SH3RF2: variants seen among roughly 807,000 people sequenced by gnomAD.
SH3RF2 encodes the protein SH3 domain containing ring finger 2.
SH3RF2 carries 43 observed loss-of-function variants against 59.0 expected under a neutral mutation model. The observed-to-expected ratio is 0.73, with a 90% CI of 0.57 to 0.94. The LOEUF is 0.94. Among genes scored for constraint, SH3RF2 ranks in the 40% least tolerant of loss-of-function variants. The probability of loss-of-function intolerance (pLI) is 0.00; values close to 1 mark genes in which losing one functional copy is unlikely to be tolerated. For synonymous variants in SH3RF2, 391 were observed against 391.5 expected, an observed-to-expected ratio of 1.00 and a Z score of 0.01; for missense variants, 930 against 940.1, an observed-to-expected ratio of 0.99 and a Z score of 0.14.
In SH3RF2 at chr5:146,029,013, T is replaced by G. The variant is rs1203781920; in HGVS notation, c.1059+14952T>G. ...ATATGTAGTGAAAAGAAAAACAAAT[T>G]GTGCAGAGAAACATACCCCCACAAC... On this transcript the variant is annotated intron_variant, in intron 5 of 9. Transcript: ENST00000359120. 3.3e-5 allele frequency among the ~76,000 whole-genome samples: 5 copies of G among 152,188 alleles called. No individual in the cohort carries two copies. In the East Asian group the frequency reaches 9.7e-4, roughly 29 times the overall value.
chr5:145,964,279 C>A (rs1455688193), intron 2 of SH3RF2, among the ~76,000 whole-genome samples: 1 of 127,292 alleles, frequency 7.9e-6, no homozygotes, highest in Admixed American at 8.5e-5. Context: ...TCTTTTCCTT[C>A]CTTCCTTCCT....
At chr5:146,011,671 G>A (rs1760904208) in intron 4 of SH3RF2, among the ~76,000 whole-genome samples, 2 of 152,018 alleles carry the variant, frequency 1.3e-5, no homozygotes, top group Admixed American at 1.3e-4. Flanking sequence ...TCATGATTTG[G>A]CTCTCTGTTT....
chr5:146,016,048 C>A (rs1055863994), intron 5 of SH3RF2, among the ~76,000 whole-genome samples: 4 of 152,168 alleles, frequency 2.6e-5, no homozygotes, highest in Non-Finnish European at 4.4e-5. Flanking sequence ...ACTCCAGCAA[C>A]CCACATGGTG....
At chr5:146,016,139 A>G (rs188867464) in intron 5 of SH3RF2, among the ~76,000 whole-genome samples, 1 of 152,320 alleles carries the variant, frequency 6.6e-6, no homozygotes, top group East Asian at 1.9e-4. Context: ...GGTGACATAT[A>G]CTTAGGGAAG....
intron 2 of SH3RF2, among the ~76,000 whole-genome samples, chr5:145,953,646 T>G (rs901569710): frequency 3.9e-5 from 6 of 152,122 alleles, no homozygotes; most frequent in Non-Finnish European, 7.4e-5. Context: ...TACAGGTTAT[T>G]TCATCACCCA....
At chr5:146,003,484 G>A (rs980560084) in intron 3 of SH3RF2, among the ~76,000 whole-genome samples, 16 of 152,102 alleles carry the variant, frequency 1.1e-4, no homozygotes, top group African/African-American at 3.9e-4. Context: ...AAAAGAATCT[G>A]GAAAAAATGT....
chr5:146,016,407 G>A (rs1761108418), intron 5 of SH3RF2, among the ~76,000 whole-genome samples: 1 of 151,638 alleles, frequency 6.6e-6, no homozygotes, highest in Non-Finnish European at 1.5e-5. Context: ...TGGATGGATA[G>A]ATGATTGATA....
intron 9 of SH3RF2, among the ~76,000 whole-genome samples, chr5:146,073,936 TA>T (rs1763288459): frequency 6.6e-6 from 1 of 151,528 alleles, no homozygotes; most frequent in Non-Finnish European, 1.5e-5. Context: ...ACCCGAAGAC[TA>T]AGAGGGAACC....
At chr5:146,036,292 C>T (rs1056901410) in intron 5 of SH3RF2, among the ~76,000 whole-genome samples, 2 of 152,224 alleles carry the variant, frequency 1.3e-5, no homozygotes, top group South Asian at 2.1e-4. Context: ...CAGTGGCTCA[C>T]ACCCGTGGTA....
At chr5:145,987,740 T>C (rs1175703385) in intron 2 of SH3RF2, among the ~76,000 whole-genome samples, 3 of 152,134 alleles carry the variant, frequency 2.0e-5, no homozygotes, top group East Asian at 3.9e-4. Flanking sequence ...AAAAAAATAT[T>C]TGTTGAAAGC....
At chr5:146,006,843 T>G (rs1760666523) in intron 4 of SH3RF2, among the ~76,000 whole-genome samples, 1 of 152,196 alleles carries the variant, frequency 6.6e-6, no homozygotes, top group Non-Finnish European at 1.5e-5. Context: ...GCTCACATAG[T>G]CACTCAGGAA....
chr5:146,070,397 G>A (rs1763207052), intron 9 of SH3RF2, among the ~76,000 whole-genome samples: 2 of 152,170 alleles, frequency 1.3e-5, no homozygotes, highest in South Asian at 4.1e-4. Flanking sequence ...ACAAGTAGGG[G>A]TGAGAAGTAA....
chr5:146,000,124 G>A lies in SH3RF2; in HGVS notation c.445G>A (p.Gly149Arg), dbSNP rs960705038. The A allele has an allele frequency of 2.0e-5, 32 of 1,613,688 alleles. No homozygotes were observed. The highest frequency in any genetic ancestry group is 2.7e-5 in the African/African-American group (2 of 74,900). The change falls in exon 3 of 10, where the codon GGA becomes AGA. Residue 149 changes from glycine (G) to arginine (R), a missense_variant. Gly to Arg is a moderately radical substitution (Grantham distance 125). Transcript: ENST00000359120. ...QNPGDLRFNK[G>R]DIILLRRQLD... The stretch of plus-strand genomic sequence containing the variant: ...TCCCGGTGACCTAAGGTTTAATAAG[G>A]GAGATATCATCCTTCTCCGGAGACA...
rs190656154 is a variant in SH3RF2 at position 145,967,420 on chromosome 5, G to A, written c.378+29114G>A. 2.8e-3 allele frequency among the ~76,000 whole-genome samples: 421 copies of A among 152,210 alleles called. 1 individual carries two copies. Among genetic ancestry groups the A allele is most frequent in the Non-Finnish European group, 4.1e-3 (278 of 67,998 alleles). The stretch of plus-strand genomic sequence containing the variant: ...GTGAAAAGAAAGCAGTATTTATTCA[G>A]TACCTGCCATATGCCAGATCCCATG... On this transcript the variant is annotated intron_variant, in intron 2 of 9. Transcript: ENST00000359120.
chr5:145,964,614 GT>G (rs1417153359), intron 2 of SH3RF2, among the ~76,000 whole-genome samples: 2 of 151,972 alleles, frequency 1.3e-5, no homozygotes, highest in East Asian at 3.9e-4. Flanking sequence ...GCCAGTTTTG[GT>G]TTTTTTATTG....
At chr5:146,048,382 G>C (rs1202735598) in intron 6 of SH3RF2, among the ~76,000 whole-genome samples, 1 of 151,738 alleles carries the variant, frequency 6.6e-6, no homozygotes, top group Non-Finnish European at 1.5e-5. Flanking sequence ...TACAAAAGTA[G>C]AAAGAGACTG....
chr5:146,057,972 CTATCTA>C (rs1561768470), intron 8 of SH3RF2, among the ~76,000 whole-genome samples: 82 of 81,342 alleles, frequency 1.0e-3, no homozygotes, highest in African/African-American at 2.4e-3. Context: ...CTCTCTCTAT[CTATCTA>C]TCTATCTATA....
At chr5:146,006,527 A>C (rs1010846042) in intron 4 of SH3RF2, among the ~76,000 whole-genome samples, 1 of 152,226 alleles carries the variant, frequency 6.6e-6, no homozygotes, top group Non-Finnish European at 1.5e-5. Context: ...GATCTGACAG[A>C]TAGACAGCAT....
intron 7 of SH3RF2, among the ~76,000 whole-genome samples, chr5:146,050,735 G>T (rs1762465832): frequency 6.6e-6 from 1 of 152,130 alleles, no homozygotes; most frequent in Non-Finnish European, 1.5e-5. Context: ...TTAAAACCAA[G>T]ATATTTAAGT....
Sources: gnomAD v4.1 joint callset for allele counts (sites outside exome capture counted in the v4.1 genomes callset) on GRCh38, gnomAD v4.1.1 for gene constraint, MANE v1.5 for transcripts, NCBI Gene and HGNC (gene_info 2026-07-23, HGNC 2026-07-21) for gene names.